The following PDZRN4 variants were observed in gnomAD, a reference collection of about 807,000 sequenced individuals.
PDZRN4 encodes the protein PDZ domain containing ring finger 4.
Under a neutral mutation model 99.0 loss-of-function variants are expected in PDZRN4, and 70 were observed. The ratio of observed to expected loss-of-function variants is 0.71; its 90% CI spans 0.58 to 0.86. The LOEUF (loss-of-function observed/expected upper bound fraction) is 0.86, where lower values mean the gene tolerates loss of function less well. Among genes scored for constraint, PDZRN4 ranks in the 40% least tolerant of loss-of-function variants. The pLI is 0.00. For synonymous variants in PDZRN4, 551 were observed against 501.6 expected, an observed-to-expected ratio of 1.10 and a Z score of -1.32; for missense variants, 1,474 against 1,331.2, an observed-to-expected ratio of 1.11 and a Z score of -1.67.
intron 5 of PDZRN4, among the ~76,000 whole-genome samples, chr12:41,518,548 T>C (rs899446062): frequency 4.6e-5 from 7 of 151,546 alleles, no homozygotes; most frequent in African/African-American, 1.7e-4. Context: ...AATTATTGTA[T>C]CAATGCACAA....
At chr12:41,387,052 A>G (rs1321153317) in intron 3 of PDZRN4, among the ~76,000 whole-genome samples, 2 of 152,194 alleles carry the variant, frequency 1.3e-5, no homozygotes, top group East Asian at 3.8e-4. Flanking sequence ...ATTCAGACAT[A>G]GGCACGAGCA....
At chr12:41,431,852 G>A (rs1952588867) in intron 3 of PDZRN4, among the ~76,000 whole-genome samples, 1 of 152,176 alleles carries the variant, frequency 6.6e-6, no homozygotes, top group African/African-American at 2.4e-5. Flanking sequence ...TGACACATGG[G>A]AACTATTAGC....
At chr12:41,515,204 G>A (rs1407166554) in intron 5 of PDZRN4, among the ~76,000 whole-genome samples, 4 of 152,082 alleles carry the variant, frequency 2.6e-5, no homozygotes, top group African/African-American at 9.6e-5. Flanking sequence ...GAAACATGAT[G>A]GGTATGAAAC....
At chr12:41,522,455 G>A (rs1938507887) in intron 5 of PDZRN4, among the ~76,000 whole-genome samples, 1 of 152,094 alleles carries the variant, frequency 6.6e-6, no homozygotes, top group African/African-American at 2.4e-5. Flanking sequence ...GCATTCTCAT[G>A]CAATACAACC....
rs77266753 is a variant in PDZRN4, at chr12:41,566,843, G to A, written c.1468-940G>A. 3.4e-3 allele frequency among the ~76,000 whole-genome samples: 513 copies of A among 152,184 alleles called. 3 individuals are homozygous for A. The highest frequency in any genetic ancestry group is 0.012 in the African/African-American group (478 of 41,510). On this transcript the variant is annotated intron_variant, in intron 8 of 9. Coordinates refer to ENST00000402685, the MANE Select transcript of PDZRN4 (RefSeq NM_001164595.2). Reference sequence around the variant, plus strand: ...GTACAGGGTGATGCAGAGTTTTGACGATAATCCAGTTAATTTAATCAGCAT... The same window carrying A: ...GTACAGGGTGATGCAGAGTTTTGACAATAATCCAGTTAATTTAATCAGCAT...
At position 41,188,494 on chromosome 12, in the gene PDZRN4, C is replaced by A; in HGVS notation, c.39C>A (p.Asp13Glu). Residue 13 changes from aspartate (D) to glutamate (E), a missense_variant, in exon 1 of 10, where the codon GAC becomes GAA. Coordinates refer to ENST00000402685, the MANE Select transcript of PDZRN4 (RefSeq NM_001164595.2). ...FALERFAEAV[D>E]PALECKLCGQ... ...TGGAGCGCTTCGCAGAAGCCGTGGACCCGGCTCTGGAGTGCAAACTGTGCG... is the reference window on the plus strand; with the variant it reads ...TGGAGCGCTTCGCAGAAGCCGTGGAACCGGCTCTGGAGTGCAAACTGTGCG... 3.1e-6 allele frequency: 5 copies of A among 1,591,538 alleles called. No individual in the cohort carries two copies. Among genetic ancestry groups the A allele is most frequent in the Non-Finnish European group, 4.2e-6 (5 of 1,176,710 alleles).
Position 41,573,883 on chromosome 12 carries a change from C to G in PDZRN4, c.3104C>G (p.Thr1035Ser). The change falls in exon 10 of 10, where the codon ACT becomes AGT. Residue 1035 changes from threonine (T) to serine (S), a missense_variant. Physicochemically the swap from Thr to Ser is moderately conservative, Grantham distance 58. Coordinates refer to ENST00000402685, the MANE Select transcript of PDZRN4 (RefSeq NM_001164595.2). ...RVHNAFLSVTTV is the reference protein window; with the variant it reads ...RVHNAFLSVTSV ...CATAATGCCTTCTTGTCGGTGACCA[C>G]TGTATGACCGAATGAATGGAATGCA... 1.3e-6 allele frequency: 2 copies of G among 1,547,020 alleles called. No homozygotes were observed. Among genetic ancestry groups the G allele is most frequent in the Non-Finnish European group, 1.7e-6 (2 of 1,150,686 alleles).
intron 3 of PDZRN4, among the ~76,000 whole-genome samples, chr12:41,430,172 T>A (rs919384147): frequency 6.6e-6 from 1 of 152,122 alleles, no homozygotes; most frequent in Admixed American, 6.5e-5. Context: ...ACATTGTGCA[T>A]TAAAAGAAAC....
At chr12:41,302,962 A>ACACACACACT (rs551126856) in intron 3 of PDZRN4, among the ~76,000 whole-genome samples, 1 of 147,312 alleles carries the variant, frequency 6.8e-6, no homozygotes, top group Non-Finnish European at 1.5e-5. Context: ...ACACACACAC[A>ACACACACACT]CTCACACACA....
intron 3 of PDZRN4, among the ~76,000 whole-genome samples, chr12:41,198,097 C>T (rs10785150): frequency 0.66 from 99,821 of 150,958 alleles, 33,219 homozygotes; most frequent in South Asian, 0.74. Flanking sequence ...TAAAAATTTT[C>T]TGTAGAGATG....
intron 3 of PDZRN4, among the ~76,000 whole-genome samples, chr12:41,285,414 A>G (rs1307748933): frequency 1.3e-5 from 2 of 152,216 alleles, no homozygotes; most frequent in Non-Finnish European, 2.9e-5. Context: ...ACGAGAGTGT[A>G]AATTAGTTCA....
rs374879819 is a variant in PDZRN4, at chr12:41,260,433, C to T, written c.843+66245C>T. 2.6e-5 allele frequency among the ~76,000 whole-genome samples: 4 copies of T among 151,716 alleles called. No individual in the cohort carries two copies. The East Asian group carries it at 5.8e-4, about 22-fold the overall frequency. On this transcript the variant is annotated intron_variant, in intron 3 of 9. Transcript: ENST00000402685. ...GGAATTGTGAAGCTTTATTTTATTT[C>T]GAAACTAAAATAAACTAAGGGCTTA...
intron 3 of PDZRN4, among the ~76,000 whole-genome samples, chr12:41,446,314 GA>G (rs1427916669): frequency 1.4e-5 from 2 of 147,154 alleles, no homozygotes; most frequent in African/African-American, 5.0e-5. Context: ...TTTTTTTTCT[GA>G]ACTAACCTCT....
chr12:41,506,519 A>G lies in PDZRN4; in HGVS notation c.907A>G (p.Lys303Glu), dbSNP rs542201511. 33 of 1,613,706 alleles carry G rather than the reference A, an allele frequency of 2.0e-5. No individual in the cohort carries two copies. The highest frequency in any genetic ancestry group is 2.7e-5 in the African/African-American group (2 of 74,906). ...GGCAGTGGAAGCTTTTCGCAATGCC[A>G]AGGAGCCCATTGTGGTGCAGGTGTT... ...EEAVEAFRNAKEPIVVQVLRR... is the reference protein window; with the variant it reads ...EEAVEAFRNAEEPIVVQVLRR... Residue 303 changes from lysine to glutamate, a missense_variant, in exon 4 of 10, where the codon AAG becomes GAG. By Grantham distance (56) the Lys-to-Glu change is moderately conservative (BLOSUM62 1). Transcript: ENST00000402685.
chr12:41,411,681 A>G (rs1848561766), intron 3 of PDZRN4: 1 of 152,206 alleles, frequency 6.6e-6, no homozygotes, highest in Admixed American at 6.5e-5. Context: ...GCTTAATTGA[A>G]GCAAGAATGC....
At chr12:41,485,444 G>A (rs574766343) in intron 3 of PDZRN4, among the ~76,000 whole-genome samples, 56 of 152,248 alleles carry the variant, frequency 3.7e-4, no homozygotes, top group African/African-American at 1.3e-3. Context: ...CACCGGAGGT[G>A]TTGCTATTCT....
intron 5 of PDZRN4, among the ~76,000 whole-genome samples, chr12:41,546,270 A>G (rs1195962223): frequency 6.6e-6 from 1 of 152,178 alleles, no homozygotes; most frequent in African/African-American, 2.4e-5. Flanking sequence ...GGACAAAGAG[A>G]ACAGGGTAGT....
At chr12:41,392,438 G>T (rs1952216466) in intron 3 of PDZRN4, among the ~76,000 whole-genome samples, 1 of 152,006 alleles carries the variant, frequency 6.6e-6, no homozygotes, top group South Asian at 2.1e-4. Context: ...TCATTTAAAA[G>T]TCTGGCTGTA....
intron 3 of PDZRN4, among the ~76,000 whole-genome samples, chr12:41,374,014 A>G (rs962849339): frequency 1.3e-5 from 2 of 152,290 alleles, no homozygotes; most frequent in South Asian, 2.1e-4. Flanking sequence ...AGAAATTCAC[A>G]TGAGGTCAAG....
Sources: allele counts gnomAD v4.1 joint callset (sites outside exome capture counted in the v4.1 genomes callset), GRCh38; gene constraint gnomAD v4.1.1; transcripts MANE v1.5; gene names NCBI Gene and HGNC (gene_info 2026-07-23, HGNC 2026-07-21).